ASPM: variants seen among roughly 807,000 people sequenced by gnomAD.
ASPM encodes assembly factor for spindle microtubules, also known as abnormal spindle-like microcephaly-associated protein.
ASPM carries 256 observed loss-of-function variants against 366.4 expected under a neutral mutation model. The ratio of observed to expected loss-of-function variants is 0.70; its 90% CI spans 0.63 to 0.77. ASPM has a LOEUF of 0.77. Among genes scored for constraint, ASPM ranks in the 30% least tolerant of loss-of-function variants. The probability of loss-of-function intolerance (pLI) is 0.00; values close to 1 mark genes in which losing one functional copy is unlikely to be tolerated. For missense variants in ASPM, 4,146 were observed against 4,090.4 expected, an observed-to-expected ratio of 1.01 and a Z score of -0.37; for synonymous variants, 1,414 against 1,342.9, an observed-to-expected ratio of 1.05 and a Z score of -1.16.
intron 17 of ASPM, 128 bp from the exon 18 acceptor site, chr1:197,105,313 T>G (rs1166701937): frequency 1.3e-6 from 1 of 779,978 alleles, no homozygotes; most frequent in African/African-American, 1.8e-5. Context: ...ACTAATTATT[T>G]TTGTGAGATA....
chr1:197,091,640 A>C (rs1030839466), intron 22 of ASPM, among the ~76,000 whole-genome samples: 2 of 152,016 alleles, frequency 1.3e-5, no homozygotes, highest in Non-Finnish European at 2.9e-5. Context: ...TATGTTGGCA[A>C]GCATGTAGAG....
chr1:197,144,013 C>A lies in ASPM; in HGVS notation c.385G>T (p.Val129Phe), dbSNP rs766837809. Residue 129 changes from valine to phenylalanine, a missense_variant, in exon 2 of 28, where the codon GTT (valine) becomes TTT (phenylalanine). Coordinates refer to ENST00000367409, the MANE Select transcript of ASPM (RefSeq NM_018136.5). ...REIMTFLVND[V>F]LKHQAILLGN... is the part of the protein sequence containing the mutation. ...AGTAATATAGCTTGGTGTTTCAGAA[C>A]ATCATTTACAAGAAATGTCATAATC... 23 of 1,610,628 alleles carry A rather than the reference C, an allele frequency of 1.4e-5. No homozygotes were observed. Among genetic ancestry groups the A allele is most frequent in the Non-Finnish European group, 2.5e-6 (3 of 1,177,106 alleles).
Position 197,143,381 on chromosome 1 carries a change from C to A in ASPM, c.871G>T (p.Gly291Ter). ...FNSVNVNGQRGENSKLSLTPN... is the reference protein window; with the variant it reads ...FNSVNVNGQR The stretch of plus-strand genomic sequence containing the variant: ...GTAAGACTAAGTTTACTATTCTCTC[C>A]TCTTTGGCCATTAACATTTACGGAA... The change falls in exon 3 of 28, where the codon GGA becomes TGA. Residue 291 changes from glycine to a stop codon, truncating the protein, a stop_gained. Coordinates refer to ENST00000367409, the MANE Select transcript of ASPM (RefSeq NM_018136.5). LOFTEE classifies it high-confidence loss of function. 6.2e-7 allele frequency: 1 copy of A among 1,613,810 alleles called. No homozygotes were observed. Among genetic ancestry groups the A allele is most frequent in the Non-Finnish European group, 8.5e-7 (1 of 1,179,712 alleles).
chr1:197,126,501 T>C (rs1658097156), intron 10 of ASPM, among the ~76,000 whole-genome samples: 1 of 146,928 alleles, frequency 6.8e-6, no homozygotes, highest in South Asian at 2.2e-4. Flanking sequence ...AAAATAGCAC[T>C]GAACATTAAA....
chr1:197,103,629 T>C lies in ASPM; in HGVS notation c.5622A>G (p.Thr1874=). 6.2e-7 allele frequency: 1 copy of C among 1,612,910 alleles called. No homozygotes were observed. Among genetic ancestry groups the C allele is most frequent in the Non-Finnish European group, 8.5e-7 (1 of 1,179,414 alleles). The change falls in exon 18 of 28, where the codon ACA becomes ACG. Residue 1874 remains threonine (T), a synonymous_variant. Coordinates refer to ENST00000367409, the MANE Select transcript of ASPM (RefSeq NM_018136.5). The stretch of plus-strand genomic sequence containing the variant: ...ACTGGAGGGAAATCACAGCTGCCTT[T>C]GTCTTCAAAAAATGTGTTCTTGTAT... ...LHDTRTHFLK[T]KAAVISLQSA... is the part of the protein sequence containing the mutation.
Position 197,086,818 on chromosome 1 carries a change from G to A in ASPM, c.10316C>T (p.Thr3439Ile). ...IPFIPETPVR[T>I]RIVSRLKPDW... ...AATTGCTTACCTTGAAACTATTCTG[G>A]TCCTTACAGGTGTTTCTGGGATAAA... The change falls in exon 27 of 28, where the codon ACC becomes ATC. Residue 3439 changes from threonine to isoleucine, a missense_variant. Thr to Ile is a moderately conservative substitution (Grantham distance 89). Around this residue, in one of 3 missense-constraint regions of ASPM, gnomAD observed 3,624 missense variants for 3,591.7 expected, o/e 1.01. Transcript: ENST00000367409. 6.2e-7 allele frequency: 1 copy of A among 1,609,254 alleles called. No homozygotes were observed.
At chr1:197,136,067 A>C (rs1307616955) in intron 4 of ASPM, among the ~76,000 whole-genome samples, 2 of 152,256 alleles carry the variant, frequency 1.3e-5, no homozygotes, top group African/African-American at 4.8e-5. Flanking sequence ...AGAAAACTTG[A>C]AGGCCAGTAG....
chr1:197,121,867 C>T (rs1237558105), intron 16 of ASPM, 48 bp downstream of exon 16: 4 of 1,552,302 alleles, frequency 2.6e-6, no homozygotes, highest in Non-Finnish European at 3.5e-6. Context: ...CAACAAATAC[C>T]TTCTAAAGTA....
At chr1:197,090,711 T>C in intron 23 of ASPM, 139 bp downstream of exon 23, 1 of 767,774 alleles carries the variant, frequency 1.3e-6, no homozygotes, top group South Asian at 1.8e-5. Flanking sequence ...GAAATTATGG[T>C]AGTATAGTGC....
chr1:197,095,051 G>A (rs960023034), intron 19 of ASPM, among the ~76,000 whole-genome samples: 2 of 151,544 alleles, frequency 1.3e-5, no homozygotes, highest in African/African-American at 4.8e-5. Context: ...CAGGGTAAAT[G>A]GGATATCCAT....
At chr1:197,140,075 T>C (rs976570430) in intron 3 of ASPM, among the ~76,000 whole-genome samples, 3 of 152,208 alleles carry the variant, frequency 2.0e-5, no homozygotes, top group Non-Finnish European at 4.4e-5. Context: ...TAAACCACAA[T>C]TTATTTTGTG....
Position 197,101,579 on chromosome 1 carries a change from T to C in ASPM, c.7672A>G (p.Ile2558Val), listed in dbSNP as rs928931572. The C allele has an allele frequency of 7.5e-6, 12 of 1,609,764 alleles. No homozygotes were observed. The highest frequency in any genetic ancestry group is 9.3e-6 in the Non-Finnish European group (11 of 1,178,868). The change falls in exon 18 of 28, where the codon ATC becomes GTC. Residue 2558 changes from isoleucine to valine, a missense_variant. By Grantham distance (29) the Ile-to-Val change is conservative. Around this residue, in one of 3 missense-constraint regions of ASPM, gnomAD observed 3,624 missense variants for 3,591.7 expected, o/e 1.01. Coordinates refer to ENST00000367409, the MANE Select transcript of ASPM (RefSeq NM_018136.5). ...QLLREKHKAS[I>V]VIQSTYRMYR... ...ATTCTGTAGGTGCTTTGTATTACGA[T>C]AGAAGCTTTGTGTTTTTCCCTTAAA...
At chr1:197,128,418 T>A in intron 10 of ASPM, 72 bp downstream of exon 10, 1 of 1,457,240 alleles carries the variant, frequency 6.9e-7, no homozygotes, top group South Asian at 1.1e-5. Flanking sequence ...ATTGAATAAT[T>A]ACAAAAAAAG....
chr1:197,108,933 T>C (rs974716907), intron 17 of ASPM, among the ~76,000 whole-genome samples: 13 of 139,102 alleles, frequency 9.3e-5, no homozygotes, highest in African/African-American at 3.2e-4. Context: ...TTTGCACCAC[T>C]GTACTCTAGC....
intron 13 of ASPM, among the ~76,000 whole-genome samples, chr1:197,122,797 T>A (rs947299546): frequency 6.6e-6 from 1 of 152,182 alleles, no homozygotes; most frequent in African/African-American, 2.4e-5. Context: ...TGTGAGAGCA[T>A]GGCACATCCA....
intron 13 of ASPM, among the ~76,000 whole-genome samples, chr1:197,123,651 G>C (rs1657987475): frequency 6.6e-6 from 1 of 151,978 alleles, no homozygotes; most frequent in South Asian, 2.1e-4. Context: ...CACGTGTTTA[G>C]GGGAAATTTT....
chr1:197,103,735 T>C lies in ASPM; in HGVS notation c.5516A>G (p.Asn1839Ser), dbSNP rs1557947337. Residue 1839 changes from asparagine to serine, a missense_variant, in exon 18 of 28, where the codon AAT becomes AGT. This residue lies in a region of ASPM where 3,624 missense variants were observed against 3,591.7 expected (regional missense o/e 1.01). Coordinates refer to ENST00000367409, the MANE Select transcript of ASPM (RefSeq NM_018136.5). ...CACAGATTGATATTTTACCCTTTTA[T>C]TATAGCCTCTAAAAGCAGACTGAAT... is the stretch of plus-strand genomic sequence containing the variant. ...LKIQSAFRGYNKRVKYQSVLQ... is the reference protein window; with the variant it reads ...LKIQSAFRGYSKRVKYQSVLQ... 1 of 1,612,724 alleles carries C rather than the reference T, an allele frequency of 6.2e-7. No individual in the cohort carries two copies. Among genetic ancestry groups the C allele is most frequent in the Admixed American group, 1.7e-5 (1 of 59,758 alleles).
rs372117505 is a variant in ASPM at position 197,102,486 on chromosome 1, A to C, written c.6765T>G (p.Ala2255=). 3 of 1,612,630 alleles carry C rather than the reference A, an allele frequency of 1.9e-6. No homozygotes were observed. The highest frequency in any genetic ancestry group is 2.5e-6 in the Non-Finnish European group (3 of 1,179,298). Reference sequence around the variant, plus strand: ...TATGCATCATTTTTAAATGTCTTCTAGCTTTCTTTCCCCTAAAAATAGCCT... The same window carrying C: ...TATGCATCATTTTTAAATGTCTTCTCGCTTTCTTTCCCCTAAAAATAGCCT... ...YIQAIFRGKK[A]RRHLKMMHIA... The change falls in exon 18 of 28, where the codon GCT becomes GCG. Residue 2255 remains alanine, a synonymous_variant. Coordinates refer to ENST00000367409, the MANE Select transcript of ASPM (RefSeq NM_018136.5).
intron 18 of ASPM, among the ~76,000 whole-genome samples, chr1:197,096,368 G>A (rs149409082): frequency 2.0e-5 from 3 of 151,918 alleles, no homozygotes; most frequent in African/African-American, 7.2e-5. Context: ...CGTATTATGT[G>A]CTTTATCACA....
Sources: allele counts gnomAD v4.1 joint callset (sites outside exome capture counted in the v4.1 genomes callset), GRCh38; gene constraint gnomAD v4.1.1; regional missense constraint gnomAD v4.1.1; transcripts MANE v1.5; gene names NCBI Gene and HGNC (gene_info 2026-07-23, HGNC 2026-07-21).